Variants in USH2A observed in about 807,000 individuals in gnomAD.
The protein encoded by USH2A is Usher syndrome 2A (autosomal recessive, mild).
Under a neutral mutation model 538.9 loss-of-function variants are expected in USH2A, and 443 were observed. That is an observed-to-expected ratio of 0.82 (90% confidence interval 0.76 to 0.89). The LOEUF is 0.89. Ranked by LOEUF, USH2A falls within the 40% of genes least tolerant of loss-of-function variation. USH2A has a pLI of 0.00. For missense variants in USH2A, 6,633 were observed against 6,324.8 expected (o/e 1.05, Z -1.65); for synonymous variants, 2,413 against 2,273.5 (o/e 1.06, Z -1.75).
Position 216,368,208 on chromosome 1 carries a change from ATT to A in USH2A, c.652-3125_652-3124del, listed in dbSNP as rs67218133. Among the ~76,000 whole-genome samples the A allele has an allele frequency of 2.3e-3, 347 of 149,378 alleles. 1 individual carries two copies. The highest frequency in any genetic ancestry group is 0.012 in the South Asian group (59 of 4,722). On this transcript the variant is annotated intron_variant, in intron 3 of 71. Transcript: ENST00000307340. ...CCCTTTGAGTACAAGAGTACACTAG[ATT>A]TTTTTTTTTTTAAGTAGAATTCTTG...
At chr1:215,749,685 A>G (rs557492022) in intron 58 of USH2A, among the ~76,000 whole-genome samples, 66 of 152,234 alleles carry the variant, frequency 4.3e-4, no homozygotes, top group Non-Finnish European at 6.5e-4. Context: ...TCCTGAGTTC[A>G]TAAATTTATG....
chr1:216,058,200 G>A (rs953273224), intron 30 of USH2A, among the ~76,000 whole-genome samples: 1 of 126,822 alleles, frequency 7.9e-6, no homozygotes, highest in African/African-American at 3.4e-5. Context: ...TCCCGCCTCT[G>A]CATTGACTTA....
rs545932094 is a variant in USH2A at position 216,252,419 on chromosome 1, ATAT to A, written c.1972-1324_1972-1322del. Among the ~76,000 whole-genome samples, 303 of 152,298 alleles carry A rather than the reference ATAT, an allele frequency of 2.0e-3. 1 individual carries two copies. Among genetic ancestry groups the A allele is most frequent in the Non-Finnish European group, 3.6e-3 (248 of 68,032 alleles). On this transcript the variant is annotated intron_variant, in intron 11 of 71. Coordinates refer to ENST00000307340, the MANE Select transcript of USH2A (RefSeq NM_206933.4). ...AGGGAAGTAACCTACATGTGGAAAGATATTATTTGATTTATATTTAATTTCAAG... is the reference window on the plus strand; with the variant it reads ...AGGGAAGTAACCTACATGTGGAAAGATATTTGATTTATATTTAATTTCAAG...
At chr1:215,792,264 T>C (rs1462828676) in intron 50 of USH2A, among the ~76,000 whole-genome samples, 1 of 152,190 alleles carries the variant, frequency 6.6e-6, no homozygotes, top group Admixed American at 6.5e-5. Flanking sequence ...TGAACTGTTT[T>C]TAAACTAGAA....
intron 36 of USH2A, 102 bp from the exon 37 acceptor site, chr1:215,965,581 C>T: frequency 2.2e-6 from 3 of 1,393,650 alleles, no homozygotes. Flanking sequence ...GTGAAGTAAA[C>T]TATTTTGACA....
chr1:216,181,859 A>G (rs1163107260), intron 20 of USH2A, among the ~76,000 whole-genome samples: 1 of 152,070 alleles, frequency 6.6e-6, no homozygotes, highest in Non-Finnish European at 1.5e-5. Context: ...TAAATGTACT[A>G]CAGTTACAGT....
chr1:216,306,630 G>T (rs1313288714), intron 9 of USH2A, among the ~76,000 whole-genome samples: 1 of 152,160 alleles, frequency 6.6e-6, no homozygotes, highest in Non-Finnish European at 1.5e-5. Flanking sequence ...TTTTCATTTG[G>T]TTAGACTATG....
chr1:216,291,557 G>A (rs1049998239), intron 10 of USH2A, among the ~76,000 whole-genome samples: 1 of 152,140 alleles, frequency 6.6e-6, no homozygotes, highest in African/African-American at 2.4e-5. Flanking sequence ...ATGCTTAAGA[G>A]TACCACTTTG....
intron 37 of USH2A, among the ~76,000 whole-genome samples, chr1:215,963,814 A>T (rs957450325): frequency 6.6e-6 from 1 of 152,056 alleles, no homozygotes; most frequent in East Asian, 1.9e-4. Context: ...TGCAATACTA[A>T]CATGTAGAGG....
At chr1:216,021,761 C>G (rs1013582684) in intron 32 of USH2A, among the ~76,000 whole-genome samples, 1 of 152,116 alleles carries the variant, frequency 6.6e-6, no homozygotes, top group Non-Finnish European at 1.5e-5. Flanking sequence ...AAAGGAGGAC[C>G]TGATTGTGAG....
intron 36 of USH2A, among the ~76,000 whole-genome samples, chr1:215,966,250 G>A (rs1667344321): frequency 6.6e-6 from 1 of 152,132 alleles, no homozygotes; most frequent in African/African-American, 2.4e-5. Context: ...AGTAAAATAA[G>A]TGGTCAGAGG....
chr1:216,421,551 A>T (rs930110103), intron 2 of USH2A, among the ~76,000 whole-genome samples: 1 of 152,162 alleles, frequency 6.6e-6, no homozygotes, highest in Non-Finnish European at 1.5e-5. Flanking sequence ...CTTAAAACTC[A>T]CTCTGAGTCT....
At chr1:215,900,315 CA>C in intron 39 of USH2A, 98 bp from the exon 40 acceptor site, 2 of 1,274,380 alleles carry the variant, frequency 1.6e-6, no homozygotes, top group Non-Finnish European at 2.2e-6. Flanking sequence ...AGGATGTCAA[CA>C]TACATTTAAG....
At chr1:216,193,483 G>A (rs1232186759) in intron 19 of USH2A, among the ~76,000 whole-genome samples, 1 of 152,030 alleles carries the variant, frequency 6.6e-6, no homozygotes, top group Non-Finnish European at 1.5e-5. Context: ...AGAAAAAAAT[G>A]GCAAACCTAT....
At chr1:215,797,718 C>T (rs1358180110) in intron 50 of USH2A, among the ~76,000 whole-genome samples, 1 of 152,064 alleles carries the variant, frequency 6.6e-6, no homozygotes, top group Non-Finnish European at 1.5e-5. Flanking sequence ...AAAGATATTT[C>T]TTTTAAAATA....
At chr1:216,200,739 T>C (rs2034968726) in intron 16 of USH2A, among the ~76,000 whole-genome samples, 1 of 152,054 alleles carries the variant, frequency 6.6e-6, no homozygotes, top group South Asian at 2.1e-4. Context: ...TTTTAAAAAA[T>C]AAGATAGGGA....
At chr1:215,840,326 C>T (rs1330360009) in intron 46 of USH2A, among the ~76,000 whole-genome samples, 1 of 151,918 alleles carries the variant, frequency 6.6e-6, no homozygotes, top group Non-Finnish European at 1.5e-5. Context: ...ACTAAATCAC[C>T]TTTGACATCG....
intron 3 of USH2A, among the ~76,000 whole-genome samples, chr1:216,383,954 G>T (rs2038962182): frequency 6.6e-6 from 1 of 150,564 alleles, no homozygotes; most frequent in East Asian, 2.0e-4. Flanking sequence ...TCCTGCGTAG[G>T]CCTCCCAAAG....
chr1:215,888,750 G>A lies in USH2A; in HGVS notation c.7899C>T (p.Phe2633=). Reference sequence around the variant, plus strand: ...TAATCACAGATGTTGGAGTATCAGAGAACAGCTCTGGACTTGGGATCCCTT... The same window carrying A: ...TAATCACAGATGTTGGAGTATCAGAAAACAGCTCTGGACTTGGGATCCCTT... ...APEGIPSPEL[F]SDTPTSVIIS... Residue 2633 remains phenylalanine (F), a synonymous_variant, in exon 41 of 72, where the codon TTC becomes TTT. Coordinates refer to ENST00000307340, the MANE Select transcript of USH2A (RefSeq NM_206933.4). 1.2e-6 allele frequency: 2 copies of A among 1,614,162 alleles called. No individual in the cohort carries two copies. The highest frequency in any genetic ancestry group is 2.2e-5 in the South Asian group (2 of 91,086).
Sources: allele counts gnomAD v4.1 joint callset (sites outside exome capture counted in the v4.1 genomes callset), GRCh38; gene constraint gnomAD v4.1.1; transcripts MANE v1.5; gene names NCBI Gene and HGNC (gene_info 2026-07-23, HGNC 2026-07-21).